AGBL4: variants seen among roughly 807,000 people sequenced by gnomAD.
AGBL4 encodes AGBL carboxypeptidase 4.
A neutral mutation model predicts 66.4 loss-of-function variants in AGBL4; 58 were observed. The ratio of observed to expected loss-of-function variants is 0.87; its 90% confidence interval spans 0.71 to 1.09. The LOEUF is 1.09. Among genes scored for constraint, AGBL4 ranks in the 50% least tolerant of loss-of-function variants. AGBL4 has a pLI of 0.00. For synonymous variants in AGBL4, 234 were observed against 222.9 expected (o/e 1.05, Z -0.44); for missense variants, 579 against 631.0 (o/e 0.92, Z 0.88).
At chr1:48,966,354 G>A (rs1479541082) in intron 5 of AGBL4, among the ~76,000 whole-genome samples, 1 of 152,136 alleles carries the variant, frequency 6.6e-6, no homozygotes, top group African/African-American at 2.4e-5. Context: ...CACTTAAGGG[G>A]AGCCTTATGT....
At chr1:49,621,539 T>C (rs760550476) in intron 3 of AGBL4, among the ~76,000 whole-genome samples, 1 of 152,224 alleles carries the variant, frequency 6.6e-6, no homozygotes, top group Non-Finnish European at 1.5e-5. Flanking sequence ...TTAGGCTAAA[T>C]TGTGGGAGCT....
intron 4 of AGBL4, among the ~76,000 whole-genome samples, chr1:49,138,246 G>A (rs1488161161): frequency 6.6e-6 from 1 of 152,080 alleles, no homozygotes; most frequent in Non-Finnish European, 1.5e-5. Context: ...ACTGCAAACA[G>A]AGCCTTTAAG....
chr1:48,632,654 A>G (rs7516699), intron 9 of AGBL4, among the ~76,000 whole-genome samples: 32,070 of 152,208 alleles, frequency 0.21, 6,951 homozygotes, highest in African/African-American at 0.56. Context: ...TTTTGTATCT[A>G]TAAACCATAT....
chr1:48,758,888 T>C (rs1644097515), intron 6 of AGBL4: 5 of 1,502,022 alleles, frequency 3.3e-6, no homozygotes, highest in Admixed American at 2.2e-5. Flanking sequence ...GGTGACCTGC[T>C]GGGGCACTCA....
intron 5 of AGBL4, among the ~76,000 whole-genome samples, chr1:48,900,292 C>T (rs1570956306): frequency 6.6e-6 from 1 of 152,182 alleles, no homozygotes; most frequent in South Asian, 2.1e-4. Flanking sequence ...ATGAGAGAAG[C>T]CATTAAAGAA....
intron 4 of AGBL4, among the ~76,000 whole-genome samples, chr1:49,088,736 A>C (rs1644951030): frequency 6.6e-6 from 1 of 152,092 alleles, no homozygotes. Context: ...TGAACTGAAC[A>C]TTTGACTAAA....
chr1:49,383,793 A>G (rs924390570), intron 3 of AGBL4, among the ~76,000 whole-genome samples: 2 of 150,956 alleles, frequency 1.3e-5, no homozygotes, highest in African/African-American at 2.5e-5. Flanking sequence ...ATGAGACTGT[A>G]TATATATATA....
chr1:48,912,107 C>T (rs551606176), intron 5 of AGBL4, among the ~76,000 whole-genome samples: 10 of 152,094 alleles, frequency 6.6e-5, no homozygotes, highest in East Asian at 1.9e-4. Context: ...ATGCTAGCCA[C>T]GGAAAATATA....
intron 6 of AGBL4, among the ~76,000 whole-genome samples, chr1:48,688,187 C>T (rs938279582): frequency 1.3e-5 from 2 of 152,156 alleles, no homozygotes; most frequent in Admixed American, 6.5e-5. Context: ...ATTTATGCCA[C>T]TGCATTCACA....
chr1:49,301,454 T>C (rs891846302), intron 3 of AGBL4, among the ~76,000 whole-genome samples: 1 of 152,202 alleles, frequency 6.6e-6, no homozygotes, highest in Non-Finnish European at 1.5e-5. Context: ...AATAGTTTAA[T>C]TTTAAAGCAA....
intron 3 of AGBL4, among the ~76,000 whole-genome samples, chr1:49,518,484 G>T (rs550361457): frequency 6.9e-6 from 1 of 144,738 alleles, no homozygotes; most frequent in Non-Finnish European, 1.5e-5. Flanking sequence ...TCTAATAAAA[G>T]AATCTGCTGT....
chr1:49,423,151 A>C (rs993394199), intron 3 of AGBL4: 2 of 152,214 alleles, frequency 1.3e-5, no homozygotes, highest in African/African-American at 4.8e-5. Flanking sequence ...ATAGAAGAGA[A>C]GTAAATTTTT....
intron 3 of AGBL4, among the ~76,000 whole-genome samples, chr1:49,391,902 G>C (rs1385001472): frequency 6.6e-6 from 1 of 151,934 alleles, no homozygotes; most frequent in Non-Finnish European, 1.5e-5. Context: ...CATTAATAAA[G>C]AGACAAAATA....
At chr1:49,464,712 G>A (rs1646587309) in intron 3 of AGBL4, among the ~76,000 whole-genome samples, 1 of 151,644 alleles carries the variant, frequency 6.6e-6, no homozygotes, top group South Asian at 2.1e-4. Context: ...TATCAGCAGA[G>A]GAGGAAAAGA....
intron 5 of AGBL4, among the ~76,000 whole-genome samples, chr1:48,902,043 G>T (rs1652131954): frequency 1.3e-5 from 2 of 152,052 alleles, no homozygotes; most frequent in Non-Finnish European, 2.9e-5. Flanking sequence ...ATAATCATCA[G>T]ATCTCATGAG....
At chr1:49,523,407 T>G (rs1283176498) in intron 3 of AGBL4, among the ~76,000 whole-genome samples, 1 of 152,032 alleles carries the variant, frequency 6.6e-6, no homozygotes, top group Admixed American at 6.6e-5. Flanking sequence ...CAGCGCAGAG[T>G]CATAAGGATT....
In AGBL4 at chr1:48,789,697, A is replaced by G. The variant is rs75613799; in HGVS notation, c.634+77494T>C. 4.5e-4 allele frequency among the ~76,000 whole-genome samples: 68 copies of G among 152,242 alleles called. 2 individuals carry two copies. The East Asian group carries it at 0.01, about 23-fold the overall frequency. On this transcript the variant is annotated intron_variant, in intron 6 of 13. Coordinates refer to ENST00000371839, the MANE Select transcript of AGBL4 (RefSeq NM_032785.4). Reference sequence around the variant, plus strand: ...ACAAGATGTAAAGAAGACTTTATGAAAGGAAAGGGAGGGAGACATACGTTA... The same window carrying G: ...ACAAGATGTAAAGAAGACTTTATGAGAGGAAAGGGAGGGAGACATACGTTA...
chr1:49,853,328 A>G (rs959566582), intron 1 of AGBL4, among the ~76,000 whole-genome samples: 10 of 152,214 alleles, frequency 6.6e-5, no homozygotes, highest in Admixed American at 1.3e-4. Flanking sequence ...GATAAAACCA[A>G]AAATCACAGT....
intron 4 of AGBL4, among the ~76,000 whole-genome samples, chr1:49,062,003 C>T (rs1644411256): frequency 6.6e-6 from 1 of 152,146 alleles, no homozygotes; most frequent in Non-Finnish European, 1.5e-5. Context: ...GCTCCACTTC[C>T]TGTCAGATCA....
Sources: gnomAD v4.1 joint callset for allele counts (sites outside exome capture counted in the v4.1 genomes callset) on GRCh38, gnomAD v4.1.1 for gene constraint, MANE v1.5 for transcripts, NCBI Gene and HGNC (gene_info 2026-07-23, HGNC 2026-07-21) for gene names.